Variants in LYPD6B observed in about 807,000 individuals in gnomAD.
LYPD6B encodes ly6/PLAUR domain-containing protein 6B.
A neutral mutation model predicts 22.8 loss-of-function variants in LYPD6B; 17 were observed. That is an observed-to-expected ratio of 0.75 (90% CI 0.51 to 1.12). The LOEUF (loss-of-function observed/expected upper bound fraction) is 1.12, where lower values mean the gene tolerates loss of function less well. Ranked by LOEUF, LYPD6B falls within the 50% of genes most tolerant of loss-of-function variation. The pLI is 0.00. For missense variants in LYPD6B, 221 were observed against 258.3 expected (o/e 0.86, Z 0.99); for synonymous variants, 106 against 91.6 (o/e 1.16, Z -0.90).
chr2:149,168,729 G>C (rs1690606263), intron 3 of LYPD6B, among the ~76,000 whole-genome samples: 1 of 152,226 alleles, frequency 6.6e-6, no homozygotes, highest in Admixed American at 6.5e-5. Context: ...GATAGACAAT[G>C]AATGAATGTG....
intron 1 of LYPD6B, among the ~76,000 whole-genome samples, chr2:149,055,696 C>T (rs1019070483): frequency 2.0e-5 from 3 of 152,162 alleles, no homozygotes; most frequent in African/African-American, 7.2e-5. Flanking sequence ...CATAGGAATA[C>T]AGTTAATTCT....
At chr2:149,193,651 A>G (rs1404761613) in intron 3 of LYPD6B, among the ~76,000 whole-genome samples, 2 of 152,300 alleles carry the variant, frequency 1.3e-5, no homozygotes, top group East Asian at 3.9e-4. Context: ...GGACTGTGGA[A>G]GATGAGAGGC....
chr2:149,184,188 A>C (rs1439492368), intron 3 of LYPD6B, among the ~76,000 whole-genome samples: 1 of 8,634 alleles, frequency 1.2e-4, no homozygotes, highest in African/African-American at 1.3e-4. Flanking sequence ...CTCCATCTCA[A>C]AAAAAAAAAA....
intron 3 of LYPD6B, among the ~76,000 whole-genome samples, chr2:149,181,284 G>A (rs1691698030): frequency 6.6e-6 from 1 of 152,092 alleles, no homozygotes. Context: ...TCCTGGAGAC[G>A]GCGTATCTTA....
intron 3 of LYPD6B, among the ~76,000 whole-genome samples, chr2:149,169,946 A>T (rs947391136): frequency 4.6e-5 from 7 of 152,326 alleles, no homozygotes; most frequent in Middle Eastern, 3.4e-3. Context: ...CTGAATAAAA[A>T]TCTCCAGGCA....
At chr2:149,049,360 C>CAT (rs1019195723) in intron 1 of LYPD6B, among the ~76,000 whole-genome samples, 1 of 151,668 alleles carries the variant, frequency 6.6e-6, no homozygotes, top group Non-Finnish European at 1.5e-5. Flanking sequence ...TGCACATGCA[C>CAT]ACACACACAC....
chr2:149,087,666 G>A (rs1558990153), intron 1 of LYPD6B, among the ~76,000 whole-genome samples: 1 of 152,116 alleles, frequency 6.6e-6, no homozygotes, highest in Non-Finnish European at 1.5e-5. Context: ...CTACTAACAG[G>A]TACTCACAGT....
At chr2:149,110,581 C>T (rs780245840) in intron 1 of LYPD6B, among the ~76,000 whole-genome samples, 16 of 152,010 alleles carry the variant, frequency 1.1e-4, no homozygotes, top group Non-Finnish European at 1.9e-4. Context: ...TTCTGAGTAC[C>T]GTATCATAAG....
intron 1 of LYPD6B, among the ~76,000 whole-genome samples, chr2:149,041,725 G>A (rs1164524363): frequency 6.6e-6 from 1 of 152,156 alleles, no homozygotes; most frequent in African/African-American, 2.4e-5. Context: ...CCTAGGGTGT[G>A]GCTGAGGGGA....
intron 1 of LYPD6B, among the ~76,000 whole-genome samples, chr2:149,081,222 C>T (rs983764110): frequency 2.6e-5 from 4 of 152,094 alleles, no homozygotes; most frequent in Non-Finnish European, 4.4e-5. Flanking sequence ...TTGCTAATGC[C>T]TGCAGGGTTA....
At position 149,212,149 on chromosome 2, in the gene LYPD6B, G is replaced by A. The variant is rs534955664; in HGVS notation, c.329-843G>A. On this transcript the variant is annotated intron_variant, in intron 5 of 6. Coordinates refer to ENST00000409642, the MANE Select transcript of LYPD6B (RefSeq NM_177964.5). Reference sequence around the variant, plus strand: ...TCCCAGCACTTTGGGAGGCCGAGGCGGGCGGATCATGAGGTCAGGAGATCG... The same window carrying A: ...TCCCAGCACTTTGGGAGGCCGAGGCAGGCGGATCATGAGGTCAGGAGATCG... Among the ~76,000 whole-genome samples, 30 of 151,738 alleles carry A rather than the reference G, an allele frequency of 2.0e-4. 1 individual carries two copies. In the South Asian group the frequency reaches 3.6e-3, roughly 18 times the overall value.
chr2:149,069,652 A>T (rs1684506673), intron 1 of LYPD6B, among the ~76,000 whole-genome samples: 3 of 151,988 alleles, frequency 2.0e-5, no homozygotes, highest in African/African-American at 7.3e-5. Flanking sequence ...GCCACATTAA[A>T]AAAAAGTCCC....
intron 1 of LYPD6B, among the ~76,000 whole-genome samples, chr2:149,100,538 T>A (rs1686152474): frequency 6.6e-6 from 1 of 150,924 alleles, no homozygotes; most frequent in African/African-American, 2.4e-5. Context: ...ATCCTCTGGA[T>A]CCCCTTGCCC....
At position 149,050,999 on chromosome 2, in the gene LYPD6B, G is replaced by T. The variant is rs184421021; in HGVS notation, c.-67+12198G>T. Among the ~76,000 whole-genome samples, 300 of 151,628 alleles carry T rather than the reference G, an allele frequency of 2.0e-3. 1 individual carries two copies. Among genetic ancestry groups the T allele is most frequent in the Non-Finnish European group, 3.6e-3 (242 of 67,900 alleles). On this transcript the variant is annotated intron_variant, in intron 1 of 6. Coordinates refer to ENST00000409642, the MANE Select transcript of LYPD6B (RefSeq NM_177964.5). ...TACCACACAGAAATAGTCACGGTTT[G>T]CATTTTAATCTTAATCATTATAATT... is the stretch of plus-strand genomic sequence containing the variant.
chr2:149,042,310 G>A (rs1478633427), intron 1 of LYPD6B, among the ~76,000 whole-genome samples: 2 of 152,220 alleles, frequency 1.3e-5, no homozygotes, highest in African/African-American at 2.4e-5. Flanking sequence ...GCTGCACTTT[G>A]TTTCTGCTTT....
chr2:149,051,198 C>T (rs1683537319), intron 1 of LYPD6B, among the ~76,000 whole-genome samples: 1 of 151,922 alleles, frequency 6.6e-6, no homozygotes, highest in Admixed American at 6.6e-5. Flanking sequence ...TGGAGTCTCG[C>T]TCTGTTGCCC....
At chr2:149,056,252 G>A (rs1231438100) in intron 1 of LYPD6B, among the ~76,000 whole-genome samples, 1 of 152,160 alleles carries the variant, frequency 6.6e-6, no homozygotes, top group Non-Finnish European at 1.5e-5. Flanking sequence ...AATTTGGGGT[G>A]CCCACTGTAT....
chr2:149,171,376 T>G (rs891937898), intron 3 of LYPD6B, among the ~76,000 whole-genome samples: 7 of 152,152 alleles, frequency 4.6e-5, no homozygotes, highest in Non-Finnish European at 7.3e-5. Context: ...AAATAACATA[T>G]TTTATTACCT....
rs35470511 is a variant in LYPD6B, at chr2:149,177,835, GTTTTTTT to G, written c.77+17012_77+17018del. On this transcript the variant is annotated intron_variant, in intron 3 of 6. Transcript: ENST00000409642. ...CTGGCACTGTATCCCTTCTGCAAGAGTTTTTTTTTTTTTTTTTTGTACTATTGAAAGT... is the reference window on the plus strand; with the variant it reads ...CTGGCACTGTATCCCTTCTGCAAGAGTTTTTTTTTTTGTACTATTGAAAGT... 1.1e-3 allele frequency among the ~76,000 whole-genome samples: 143 copies of G among 131,860 alleles called. 1 individual carries two copies. The highest frequency in any genetic ancestry group is 3.9e-3 in the African/African-American group (138 of 35,166). The allele number at this position is 131,860 out of a possible 152,430, so 86.5% of individuals were successfully genotyped here.
Sources: gnomAD v4.1 joint callset for allele counts (sites outside exome capture counted in the v4.1 genomes callset) on GRCh38, gnomAD v4.1.1 for gene constraint, MANE v1.5 for transcripts, NCBI Gene and HGNC (gene_info 2026-07-23, HGNC 2026-07-21) for gene names.